The following NPAS1 variants were observed in gnomAD, a reference collection of about 807,000 sequenced individuals.
The protein encoded by NPAS1 is neuronal PAS domain-containing protein 1.
A neutral mutation model predicts 49.2 loss-of-function variants in NPAS1; 29 were observed. The observed-to-expected ratio is 0.59, with a 90% CI of 0.44 to 0.80. The LOEUF (loss-of-function observed/expected upper bound fraction) is 0.80, where lower values mean the gene tolerates loss of function less well. Among genes scored for constraint, NPAS1 ranks in the 30% least tolerant of loss-of-function variants. The pLI is 0.00. For missense variants in NPAS1, 825 were observed against 835.5 expected, an observed-to-expected ratio of 0.99 and a Z score of 0.15; for synonymous variants, 408 against 380.4, an observed-to-expected ratio of 1.07 and a Z score of -0.84.
At chr19:47,040,305 G>A in intron 8 of NPAS1, 139 bp from the exon 9 acceptor site, 1 of 609,470 alleles carries the variant, frequency 1.6e-6, no homozygotes, top group South Asian at 2.1e-5. Flanking sequence ...TTACAGGTGT[G>A]AGCCACCGCG....
chr19:47,028,659 C>T (rs551880188), intron 3 of NPAS1, among the ~76,000 whole-genome samples: 4 of 152,088 alleles, frequency 2.6e-5, no homozygotes, highest in African/African-American at 4.8e-5. Flanking sequence ...AGGCACAGAG[C>T]GGCAGAGAGG....
intron 5 of NPAS1, among the ~76,000 whole-genome samples, chr19:47,034,335 G>A (rs537756564): frequency 1.4e-5 from 2 of 146,942 alleles, no homozygotes; most frequent in Non-Finnish European, 3.0e-5. Context: ...AAAAAAAAAG[G>A]GCAGGAAGAC....
At chr19:47,038,914 CTGAG>C in intron 6 of NPAS1, 118 bp from the exon 7 acceptor site, 1 of 773,188 alleles carries the variant, frequency 1.3e-6, no homozygotes, top group Non-Finnish European at 2.2e-6. Context: ...AGGCATGCCT[CTGAG>C]TGCGGCCGTG....
At chr19:47,029,479 A>C (rs1285792606) in intron 3 of NPAS1, among the ~76,000 whole-genome samples, 1 of 151,944 alleles carries the variant, frequency 6.6e-6, no homozygotes, top group Non-Finnish European at 1.5e-5. Flanking sequence ...AGCTCACTGC[A>C]ACCTCCACGT....
chr19:47,039,073 C>G lies in NPAS1; in HGVS notation c.726C>G (p.Val242=). The G allele has an allele frequency of 6.2e-7, 1 of 1,614,136 alleles. No individual in the cohort carries two copies. Among genetic ancestry groups the G allele is most frequent in the Non-Finnish European group, 8.5e-7 (1 of 1,180,004 alleles). ...SLTKVPPSSL[V]QERSFFVRMK... The stretch of plus-strand genomic sequence containing the variant: ...CCAAGGTGCCCCCCTCCTCCCTGGT[C>G]CAGGAGCGCTCCTTCTTTGTCCGCA... Residue 242 remains valine (V), a synonymous_variant, in exon 7 of 12, where the codon GTC becomes GTG. Coordinates refer to ENST00000602212, the MANE Select transcript of NPAS1 (RefSeq NM_002517.4).
At position 47,045,234 on chromosome 19, in the gene NPAS1, G is replaced by A. The variant is rs2057063789; in HGVS notation, c.1356G>A (p.Glu452=). 6.2e-7 allele frequency: 1 copy of A among 1,613,914 alleles called. No homozygotes were observed. Residue 452 remains glutamate (E), a synonymous_variant, in exon 12 of 12, where the codon GAG becomes GAA. Coordinates refer to ENST00000602212, the MANE Select transcript of NPAS1 (RefSeq NM_002517.4). ...PTEGKQAAPA[E]NEAPQTQGKR... ...AAGGGAAGCAGGCTGCCCCAGCGGA[G>A]AACGAGGCCCCCCAGACCCAGGGCA...
chr19:47,034,704 C>G (rs1349416597), intron 5 of NPAS1, among the ~76,000 whole-genome samples: 2 of 151,802 alleles, frequency 1.3e-5, no homozygotes, highest in Non-Finnish European at 2.9e-5. Context: ...TGGCGAAACC[C>G]AGTCTCTACT....
intron 9 of NPAS1, 60 bp downstream of exon 9, chr19:47,040,610 T>G: frequency 8.6e-7 from 1 of 1,168,958 alleles, no homozygotes; most frequent in African/African-American, 1.5e-5. Context: ...AGCATCCCAC[T>G]CCCTGGTCCC....
chr19:47,043,888 G>A (rs2057047105), intron 11 of NPAS1, among the ~76,000 whole-genome samples: 1 of 152,032 alleles, frequency 6.6e-6, no homozygotes, highest in Admixed American at 6.6e-5. Flanking sequence ...AACATAGTGA[G>A]ACCCCATCTC....
At chr19:47,041,328 CA>C (rs1188462119) in intron 10 of NPAS1, among the ~76,000 whole-genome samples, 2 of 151,992 alleles carry the variant, frequency 1.3e-5, no homozygotes, top group African/African-American at 4.8e-5. Flanking sequence ...GAGGAGTCGC[CA>C]GGGGGAGGGG....
intron 7 of NPAS1, 92 bp from the exon 8 acceptor site, chr19:47,039,315 T>C (rs928016695): frequency 6.0e-5 from 92 of 1,542,728 alleles, no homozygotes; most frequent in Non-Finnish European, 7.6e-5. Context: ...CTCCAGCACC[T>C]GTGGGGGACA....
At chr19:47,024,053 C>G (rs991030967) in intron 3 of NPAS1, among the ~76,000 whole-genome samples, 6 of 151,396 alleles carry the variant, frequency 4.0e-5, no homozygotes, top group African/African-American at 1.5e-4. Context: ...TGCAGTGAGC[C>G]GAGATCACAC....
intron 3 of NPAS1, among the ~76,000 whole-genome samples, chr19:47,027,326 A>AGCCCCC (rs2056877262): frequency 1.2e-5 from 1 of 80,590 alleles, no homozygotes; most frequent in African/African-American, 4.1e-5. Context: ...CTGCCCCTGG[A>AGCCCCC]TCCCCCTCTC....
chr19:47,034,398 T>C (rs1257985486), intron 5 of NPAS1, among the ~76,000 whole-genome samples: 1 of 152,036 alleles, frequency 6.6e-6, no homozygotes, highest in African/African-American at 2.4e-5. Context: ...CCTTAAGCTT[T>C]GCCAGTCCCT....
chr19:47,042,163 G>T (rs1422318048), intron 10 of NPAS1, among the ~76,000 whole-genome samples: 1 of 152,012 alleles, frequency 6.6e-6, no homozygotes, highest in Non-Finnish European at 1.5e-5. Context: ...AAAAAAATTA[G>T]CTGGGCATAG....
intron 3 of NPAS1, among the ~76,000 whole-genome samples, chr19:47,029,774 T>C (rs1393417657): frequency 6.6e-6 from 1 of 152,254 alleles, no homozygotes; most frequent in Non-Finnish European, 1.5e-5. Flanking sequence ...TGAAGTATGC[T>C]GCTATGAACA....
chr19:47,032,739 G>A lies in NPAS1; in HGVS notation c.522+7G>A, dbSNP rs761539059. Reference sequence around the variant, plus strand: ...CTATCTGGGTCTCTCACAGGTAAGGGACCCCCAGTGGACCTGGATTGGCTC... The same window carrying A: ...CTATCTGGGTCTCTCACAGGTAAGGAACCCCCAGTGGACCTGGATTGGCTC... On this transcript the variant is annotated splice_region_variant and intron_variant, in intron 5 of 11. Coordinates refer to ENST00000602212, the MANE Select transcript of NPAS1 (RefSeq NM_002517.4). 5.6e-6 allele frequency: 9 copies of A among 1,606,698 alleles called. No homozygotes were observed. The highest frequency in any genetic ancestry group is 7.7e-6 in the Non-Finnish European group (9 of 1,173,474).
intron 3 of NPAS1, among the ~76,000 whole-genome samples, chr19:47,023,962 G>A (rs559864756): frequency 1.1e-4 from 16 of 151,972 alleles, no homozygotes; most frequent in Admixed American, 2.6e-4. Flanking sequence ...AAAATTAGCC[G>A]GGCGTGGTGG....
chr19:47,024,438 G>T (rs1175148716), intron 3 of NPAS1, among the ~76,000 whole-genome samples: 1 of 152,142 alleles, frequency 6.6e-6, no homozygotes, highest in East Asian at 1.9e-4. Context: ...GATAGCTTGA[G>T]CCCAGGAGTT....
Sources: gnomAD v4.1 joint callset for allele counts (sites outside exome capture counted in the v4.1 genomes callset) on GRCh38, gnomAD v4.1.1 for gene constraint, MANE v1.5 for transcripts, NCBI Gene and HGNC (gene_info 2026-07-23, HGNC 2026-07-21) for gene names.